Variants in NXPH1 observed in about 807,000 individuals in gnomAD.
The protein encoded by NXPH1 is neurexophilin 1.
In NXPH1, 5 loss-of-function variants were observed where a neutral mutation model predicts 23.7. That is an observed-to-expected ratio of 0.21 (90% confidence interval 0.11 to 0.44). The LOEUF is 0.44. NXPH1 is among the 20% of genes least tolerant of loss of function. The pLI, the probability that NXPH1 is intolerant of heterozygous loss-of-function variation, is 0.99. For missense variants in NXPH1, 324 were observed against 321.6 expected, an observed-to-expected ratio of 1.01 and a Z score of -0.06; for synonymous variants, 144 against 122.2, an observed-to-expected ratio of 1.18 and a Z score of -1.18.
chr7:8,499,796 G>A (rs1817401016), intron 2 of NXPH1, among the ~76,000 whole-genome samples: 1 of 151,994 alleles, frequency 6.6e-6, no homozygotes, highest in South Asian at 2.1e-4. Context: ...TCTGAGCATT[G>A]GCCTCTGCAG....
chr7:8,740,010 A>T (rs1780333949), intron 2 of NXPH1, among the ~76,000 whole-genome samples: 1 of 152,202 alleles, frequency 6.6e-6, no homozygotes, highest in Non-Finnish European at 1.5e-5. Flanking sequence ...GTACCTCTAA[A>T]GATGACCACA....
chr7:8,451,069 C>A (rs751913655), intron 2 of NXPH1, among the ~76,000 whole-genome samples: 1 of 149,624 alleles, frequency 6.7e-6, no homozygotes, highest in Non-Finnish European at 1.5e-5. Flanking sequence ...AACATCTGCA[C>A]TGTGGAAGAA....
intron 2 of NXPH1, among the ~76,000 whole-genome samples, chr7:8,747,165 C>G (rs1260711007): frequency 6.6e-6 from 1 of 152,152 alleles, no homozygotes; most frequent in Non-Finnish European, 1.5e-5. Context: ...GAAGCTTAAA[C>G]AAGTTAAGTA....
chr7:8,532,638 C>T (rs760626759), intron 2 of NXPH1, among the ~76,000 whole-genome samples: 3 of 151,998 alleles, frequency 2.0e-5, no homozygotes, highest in Non-Finnish European at 4.4e-5. Flanking sequence ...TGAGACCTTC[C>T]TGGGGAACTT....
intron 2 of NXPH1, among the ~76,000 whole-genome samples, chr7:8,619,192 C>A (rs1030755473): frequency 6.6e-6 from 1 of 151,996 alleles, no homozygotes; most frequent in Admixed American, 6.6e-5. Context: ...TTTGAGGTGG[C>A]GTGCATTTTG....
At chr7:8,566,211 A>G (rs1395414918) in intron 2 of NXPH1, among the ~76,000 whole-genome samples, 3 of 151,806 alleles carry the variant, frequency 2.0e-5, no homozygotes, top group Non-Finnish European at 4.4e-5. Flanking sequence ...CTGATGACTC[A>G]GATACTTGTC....
intron 2 of NXPH1, among the ~76,000 whole-genome samples, chr7:8,484,696 G>T (rs75208763): frequency 0.042 from 6,434 of 152,202 alleles, 452 homozygotes; most frequent in African/African-American, 0.15. Flanking sequence ...CTTTTGAGAA[G>T]TAGTAATAGG....
intron 2 of NXPH1, among the ~76,000 whole-genome samples, chr7:8,553,346 T>A: frequency 6.6e-6 from 1 of 151,208 alleles, no homozygotes; most frequent in Admixed American, 6.6e-5. Flanking sequence ...GCATTTTTTT[T>A]TTTTTTTGCT....
At chr7:8,747,717 T>G (rs1157808230) in intron 2 of NXPH1, among the ~76,000 whole-genome samples, 1 of 152,216 alleles carries the variant, frequency 6.6e-6, no homozygotes, top group Non-Finnish European at 1.5e-5. Context: ...AATGCTTATG[T>G]AACTAGGCAA....
chr7:8,613,250 AG>A (rs1233464980), intron 2 of NXPH1, among the ~76,000 whole-genome samples: 2 of 151,972 alleles, frequency 1.3e-5, no homozygotes, highest in African/African-American at 4.8e-5. Context: ...TCTTTTAGCC[AG>A]AAAAGCTCCA....
chr7:8,467,851 C>T (rs1816809681), intron 2 of NXPH1, among the ~76,000 whole-genome samples: 1 of 152,086 alleles, frequency 6.6e-6, no homozygotes, highest in South Asian at 2.1e-4. Context: ...TGCCTGTTTT[C>T]TTCTAGAAAA....
At chr7:8,664,333 G>C (rs1396405929) in intron 2 of NXPH1, among the ~76,000 whole-genome samples, 2 of 152,034 alleles carry the variant, frequency 1.3e-5, no homozygotes, top group Admixed American at 1.3e-4. Context: ...TTGTTTAAAA[G>C]TAATCTGCAC....
At chr7:8,571,794 C>A (rs1818654925) in intron 2 of NXPH1, among the ~76,000 whole-genome samples, 2 of 151,746 alleles carry the variant, frequency 1.3e-5, no homozygotes, top group African/African-American at 4.8e-5. Context: ...TAATTCTCCT[C>A]CATAGACTTG....
intron 2 of NXPH1, among the ~76,000 whole-genome samples, chr7:8,500,825 T>G (rs1313685974): frequency 2.6e-5 from 4 of 152,094 alleles, no homozygotes; most frequent in African/African-American, 4.8e-5. Context: ...GATGCAGGTC[T>G]TCTCAGTTGG....
chr7:8,439,286 G>A (rs1014531046), intron 2 of NXPH1, among the ~76,000 whole-genome samples: 1 of 152,084 alleles, frequency 6.6e-6, no homozygotes, highest in Non-Finnish European at 1.5e-5. Flanking sequence ...GAAGAGTGGG[G>A]GTTCTAACTT....
At chr7:8,725,489 CAAAA>C (rs57404484) in intron 2 of NXPH1, among the ~76,000 whole-genome samples, 1 of 105,710 alleles carries the variant, frequency 9.5e-6, no homozygotes. Flanking sequence ...GATTCTGTCT[CAAAA>C]AAAAAAAAAA....
intron 2 of NXPH1, among the ~76,000 whole-genome samples, chr7:8,744,677 G>A (rs899274904): frequency 2.0e-5 from 3 of 152,098 alleles, no homozygotes; most frequent in African/African-American, 7.2e-5. Context: ...TCCCACAGGC[G>A]CTTAATCTCC....
At chr7:8,478,702 C>G (rs954104851) in intron 2 of NXPH1, among the ~76,000 whole-genome samples, 4 of 151,934 alleles carry the variant, frequency 2.6e-5, no homozygotes, top group Admixed American at 1.3e-4. Context: ...CATGTTCTAG[C>G]AAAATTTGAT....
At chr7:8,603,817 C>G (rs530480262) in intron 2 of NXPH1, among the ~76,000 whole-genome samples, 7 of 152,080 alleles carry the variant, frequency 4.6e-5, no homozygotes, top group African/African-American at 1.7e-4. Context: ...TTGGATTTTT[C>G]TTTTAATTAA....
Sources: gnomAD v4.1 joint callset for allele counts (sites outside exome capture counted in the v4.1 genomes callset) on GRCh38, gnomAD v4.1.1 for gene constraint, MANE v1.5 for transcripts, NCBI Gene and HGNC (gene_info 2026-07-23, HGNC 2026-07-21) for gene names.